Variants in FCRL2 observed in about 807,000 individuals in gnomAD.
FCRL2 encodes the protein Fc receptor-like protein 2.
FCRL2 carries 48 observed loss-of-function variants against 59.8 expected under a neutral mutation model. The ratio of observed to expected loss-of-function variants is 0.80; its 90% CI spans 0.64 to 1.02. The LOEUF (loss-of-function observed/expected upper bound fraction) is 1.02, where lower values mean the gene tolerates loss of function less well. Among genes scored for constraint, FCRL2 ranks in the 50% least tolerant of loss-of-function variants. The probability of loss-of-function intolerance (pLI) is 0.00; values close to 1 mark genes in which losing one functional copy is unlikely to be tolerated. For synonymous variants in FCRL2, 251 were observed against 229.5 expected, an observed-to-expected ratio of 1.09 and a Z score of -0.85; for missense variants, 658 against 597.3, an observed-to-expected ratio of 1.10 and a Z score of -1.06.
chr1:157,769,104 G>A (rs1002694871), intron 4 of FCRL2: 1 of 158,894 alleles, frequency 6.3e-6, no homozygotes, highest in Non-Finnish European at 1.4e-5. Context: ...TAATTTCAAG[G>A]TTCAACCAAA....
At chr1:157,750,313 G>A (rs528167530) in intron 7 of FCRL2, among the ~76,000 whole-genome samples, 7 of 152,238 alleles carry the variant, frequency 4.6e-5, no homozygotes, top group African/African-American at 1.4e-4. Flanking sequence ...AATACCTCAG[G>A]AAACAATGCC....
At chr1:157,776,997 C>T in intron 1 of FCRL2, 46 bp downstream of exon 1, 1 of 1,570,102 alleles carries the variant, frequency 6.4e-7, no homozygotes, top group East Asian at 2.2e-5. Context: ...AGCAGTAGAC[C>T]TCATTCAGCT....
chr1:157,776,707 G>A (rs187040822), intron 1 of FCRL2, among the ~76,000 whole-genome samples: 1 of 152,324 alleles, frequency 6.6e-6, no homozygotes, highest in Admixed American at 6.5e-5. Flanking sequence ...GTTCATGGAG[G>A]AGAAGGGCAT....
chr1:157,767,106 T>C (rs1571283343), intron 6 of FCRL2, 125 bp downstream of exon 6: 1 of 1,342,388 alleles, frequency 7.4e-7, no homozygotes, highest in East Asian at 2.3e-5. Context: ...CAGGTTAGTG[T>C]GGGGAGAAGA....
chr1:157,748,981 T>A, intron 8 of FCRL2, 21 bp from the exon 9 acceptor site: 1 of 1,601,544 alleles, frequency 6.2e-7, no homozygotes, highest in African/African-American at 1.3e-5. Flanking sequence ...GTGAATTAAT[T>A]GTATGATAAT....
intron 8 of FCRL2, 30 bp from the exon 9 acceptor site, chr1:157,748,990 A>G (rs3818814): frequency 0.17 from 262,652 of 1,585,626 alleles, 22,429 homozygotes; most frequent in East Asian, 0.23. Flanking sequence ...TTGTATGATA[A>G]TCCCCAGGGC....
At chr1:157,748,698 T>C in intron 9 of FCRL2, 80 bp from the exon 10 acceptor site, 5 of 1,290,426 alleles carry the variant, frequency 3.9e-6, no homozygotes, top group Non-Finnish European at 5.6e-6. Context: ...GGCCCTGGCT[T>C]AATGATTATA....
intron 2 of FCRL2, among the ~76,000 whole-genome samples, chr1:157,771,447 T>A (rs7546211): frequency 0.57 from 86,303 of 152,132 alleles, 26,794 homozygotes; most frequent in African/African-American, 0.84. Flanking sequence ...GGAATATGCC[T>A]GTTACTGGAA....
intron 7 of FCRL2, among the ~76,000 whole-genome samples, chr1:157,758,277 T>G (rs1234367582): frequency 1.3e-5 from 2 of 152,144 alleles, no homozygotes; most frequent in Non-Finnish European, 2.9e-5. Context: ...AAAGATATTT[T>G]GGGAATAAAG....
intron 7 of FCRL2, among the ~76,000 whole-genome samples, chr1:157,754,729 G>T (rs1220144514): frequency 6.6e-6 from 1 of 152,070 alleles, no homozygotes; most frequent in Non-Finnish European, 1.5e-5. Context: ...ACTTAGAGAG[G>T]CCAAGACTGG....
In FCRL2 at chr1:157,767,277, G is replaced by T. The variant is rs147916987; in HGVS notation, c.1116C>A (p.Asn372Lys). Residue 372 changes from asparagine (N) to lysine (K), a missense_variant, in exon 6 of 12, where the codon AAC (asparagine) becomes AAA (lysine). Asn to Lys is a moderately conservative substitution (Grantham distance 94, BLOSUM62 0). Coordinates refer to ENST00000361516, the MANE Select transcript of FCRL2 (RefSeq NM_030764.4). ...HSGNYSCEANNGLGAQCSEAV... is the reference protein window; with the variant it reads ...HSGNYSCEANKGLGAQCSEAV... ...CCTCACTGCACTGGGCCCCCAGGCC[G>T]TTGTTGGCCTCACAGGAGTAGTTTC... 5 of 1,614,076 alleles carry T rather than the reference G, an allele frequency of 3.1e-6. No homozygotes were observed. In the African/African-American group the frequency reaches 5.3e-5, roughly 17 times the overall value.
intron 1 of FCRL2, among the ~76,000 whole-genome samples, chr1:157,776,426 C>T (rs932266464): frequency 5.3e-5 from 8 of 152,224 alleles, no homozygotes; most frequent in East Asian, 1.9e-4. Context: ...CCCACCACCA[C>T]GCCTGGCTAA....
chr1:157,748,992 C>T, intron 8 of FCRL2, 32 bp from the exon 9 acceptor site: 8 of 1,578,348 alleles, frequency 5.1e-6, no homozygotes, highest in Non-Finnish European at 7.0e-6. Context: ...GTATGATAAT[C>T]CCCAGGGCAG....
Position 157,767,389 on chromosome 1 carries a change from T to C in FCRL2, c.1004A>G (p.Tyr335Cys). The change falls in exon 6 of 12, where the codon TAT (tyrosine) becomes TGT (cysteine). Residue 335 changes from tyrosine to cysteine, a missense_variant. Tyr to Cys is a radical substitution (Grantham distance 194). Transcript: ENST00000361516. ...RGSPPILYQF[Y>C]HEDVTLGNSS... ...GTTCCCAAGGGTGACATCCTCATGA[T>C]AAAATTGGTACAAGATTGGGGGAGA... 15 of 1,614,172 alleles carry C rather than the reference T, an allele frequency of 9.3e-6. No individual in the cohort carries two copies. The highest frequency in any genetic ancestry group is 1.3e-5 in the Non-Finnish European group (15 of 1,180,028).
rs764455952 is a variant in FCRL2 at position 157,748,947 on chromosome 1, G to A, written c.1321C>T (p.Pro441Ser). Residue 441 changes from proline (P) to serine (S), a missense_variant, in exon 9 of 12, where the codon CCA becomes TCA. Pro to Ser is a moderately conservative substitution (Grantham distance 74). Coordinates refer to ENST00000361516, the MANE Select transcript of FCRL2 (RefSeq NM_030764.4). ...GAATAGGTGAACTCTTGAGGATTTG[G>A]CCTGGAAGCCCCTCTGTGAGAAAGT... is the stretch of plus-strand genomic sequence containing the variant. The part of the protein sequence containing the change: ...ATNEPRGASR[P>S]NPQEFTYSSP... 6 of 1,613,880 alleles carry A rather than the reference G, an allele frequency of 3.7e-6. No homozygotes were observed. The highest frequency in any genetic ancestry group is 5.1e-6 in the Non-Finnish European group (6 of 1,179,850).
At chr1:157,750,170 G>A (rs1298490069) in intron 7 of FCRL2, among the ~76,000 whole-genome samples, 1 of 152,148 alleles carries the variant, frequency 6.6e-6, no homozygotes, top group African/African-American at 2.4e-5. Context: ...GGCGAACTAG[G>A]CCATCTCTTG....
chr1:157,765,575 C>A (rs528967144), intron 7 of FCRL2, among the ~76,000 whole-genome samples: 19 of 152,318 alleles, frequency 1.2e-4, no homozygotes, highest in African/African-American at 4.6e-4. Flanking sequence ...GGGAGAAAAA[C>A]CTAACTTCTG....
intron 7 of FCRL2, among the ~76,000 whole-genome samples, chr1:157,760,873 T>C (rs1649049131): frequency 6.6e-6 from 1 of 152,082 alleles, no homozygotes; most frequent in Non-Finnish European, 1.5e-5. Context: ...GTGACAAAAT[T>C]ATCTGTACAC....
chr1:157,767,267 C>G lies in FCRL2; in HGVS notation c.1126G>C (p.Ala376Pro), dbSNP rs1423709713. Residue 376 changes from alanine (A) to proline (P), a missense_variant, in exon 6 of 12, where the codon GCC (alanine) becomes CCC (proline). Coordinates refer to ENST00000361516, the MANE Select transcript of FCRL2 (RefSeq NM_030764.4). ...ACTGGCACTGCCTCACTGCACTGGG[C>G]CCCCAGGCCGTTGTTGGCCTCACAG... ...YSCEANNGLGAQCSEAVPVSI... is the reference protein window; with the variant it reads ...YSCEANNGLGPQCSEAVPVSI... The G allele has an allele frequency of 6.2e-7, 1 of 1,614,002 alleles. No homozygotes were observed. Among genetic ancestry groups the G allele is most frequent in the Non-Finnish European group, 8.5e-7 (1 of 1,179,890 alleles).
Sources: gnomAD v4.1 joint callset for allele counts (sites outside exome capture counted in the v4.1 genomes callset) on GRCh38, gnomAD v4.1.1 for gene constraint, MANE v1.5 for transcripts, NCBI Gene and HGNC (gene_info 2026-07-23, HGNC 2026-07-21) for gene names.